The following GRID1 variants were observed in gnomAD, a reference collection of about 807,000 sequenced individuals.
GRID1 encodes glutamate ionotropic receptor delta type subunit 1, also known as glutamate receptor ionotropic, delta-1.
GRID1 carries 28 observed loss-of-function variants against 98.0 expected under a neutral mutation model. The ratio of observed to expected loss-of-function variants is 0.29; its 90% confidence interval spans 0.21 to 0.39. GRID1 has a LOEUF of 0.39. Among genes scored for constraint, GRID1 ranks in the 10% least tolerant of loss-of-function variants. The probability of loss-of-function intolerance (pLI) is 1.00; values close to 1 mark genes in which losing one functional copy is unlikely to be tolerated. For missense variants in GRID1, 1,111 were observed against 1,340.5 expected (o/e 0.83, Z 2.67); for synonymous variants, 553 against 538.5 (o/e 1.03, Z -0.37).
intron 3 of GRID1, among the ~76,000 whole-genome samples, chr10:86,199,035 T>C (rs1291601740): frequency 1.3e-5 from 2 of 152,184 alleles, no homozygotes; most frequent in Non-Finnish European, 2.9e-5. Context: ...CCATGCTTAC[T>C]TTTTTATTTA....
intron 4 of GRID1, among the ~76,000 whole-genome samples, chr10:85,922,473 C>G (rs1210085753): frequency 6.6e-6 from 1 of 152,190 alleles, no homozygotes; most frequent in Admixed American, 6.5e-5. Context: ...GGCATCCCCC[C>G]AACACTGGGA....
chr10:86,203,430 G>A (rs1286986693), intron 3 of GRID1, among the ~76,000 whole-genome samples: 1 of 151,976 alleles, frequency 6.6e-6, no homozygotes, highest in African/African-American at 2.4e-5. Flanking sequence ...TCAAACAGCA[G>A]ATAGGCTGAG....
At position 85,930,138 on chromosome 10, in the gene GRID1, A is replaced by G. The variant is rs930892982; in HGVS notation, c.727-13899T>C. On this transcript the variant is annotated intron_variant, in intron 4 of 15. Transcript: ENST00000327946. ...TGACTTGTAGTTATTTATAACTACA[A>G]ATAACTTGCGGTTATTTATAACTAC... Among the ~76,000 whole-genome samples, 10 of 151,014 alleles carry G rather than the reference A, an allele frequency of 6.6e-5. 1 individual carries two copies. The highest frequency in any genetic ancestry group is 1.9e-4 in the East Asian group (1 of 5,176).
chr10:85,753,944 G>A (rs1842072015), intron 8 of GRID1, among the ~76,000 whole-genome samples: 1 of 152,142 alleles, frequency 6.6e-6, no homozygotes. Context: ...AGGCAATCAT[G>A]GCAAAGCCAT....
chr10:85,688,645 G>A (rs1394138597), intron 12 of GRID1, among the ~76,000 whole-genome samples: 1 of 152,244 alleles, frequency 6.6e-6, no homozygotes, highest in East Asian at 1.9e-4. Flanking sequence ...TCTCTAGATG[G>A]CAAACGATGT....
At chr10:85,826,868 G>A (rs1842824985) in intron 8 of GRID1, among the ~76,000 whole-genome samples, 1 of 152,120 alleles carries the variant, frequency 6.6e-6, no homozygotes, top group African/African-American at 2.4e-5. Context: ...TGCTGAGCTG[G>A]GGCTTGATCC....
At chr10:86,310,553 C>T (rs1847818771) in intron 2 of GRID1, among the ~76,000 whole-genome samples, 1 of 152,164 alleles carries the variant, frequency 6.6e-6, no homozygotes, top group South Asian at 2.1e-4. Flanking sequence ...CCAGCCAGTG[C>T]CCTTGCTGAG....
intron 4 of GRID1, among the ~76,000 whole-genome samples, chr10:85,980,201 AGGGTGGGATTC>A (rs1842527469): frequency 6.6e-6 from 1 of 152,172 alleles, no homozygotes; most frequent in Non-Finnish European, 1.5e-5. Flanking sequence ...GCTTCTCCCC[AGGGTGGGATTC>A]CCCCATGCCC....
chr10:86,013,220 G>A (rs1842941386), intron 4 of GRID1, among the ~76,000 whole-genome samples: 1 of 152,120 alleles, frequency 6.6e-6, no homozygotes, highest in African/African-American at 2.4e-5. Context: ...ATCAAGTGAG[G>A]GCTAATAAGG....
intron 4 of GRID1, among the ~76,000 whole-genome samples, chr10:85,980,936 T>C (rs1205632523): frequency 6.6e-6 from 1 of 152,190 alleles, no homozygotes; most frequent in East Asian, 1.9e-4. Flanking sequence ...TACATAAATG[T>C]CTAGATTGAT....
intron 2 of GRID1, among the ~76,000 whole-genome samples, chr10:86,271,681 G>T (rs1847187161): frequency 1.3e-5 from 2 of 152,076 alleles, no homozygotes; most frequent in South Asian, 4.1e-4. Context: ...GAAAAAATTA[G>T]CAAATTTAAA....
chr10:86,252,474 T>C (rs1247107091), intron 2 of GRID1, among the ~76,000 whole-genome samples: 1 of 152,248 alleles, frequency 6.6e-6, no homozygotes, highest in Admixed American at 6.5e-5. Context: ...TACGGGTCTG[T>C]GTGAATGGAT....
At chr10:86,155,731 G>C (rs1316485412) in intron 3 of GRID1, among the ~76,000 whole-genome samples, 2 of 152,210 alleles carry the variant, frequency 1.3e-5, no homozygotes, top group African/African-American at 4.8e-5. Flanking sequence ...CGAGGGGACA[G>C]GTTAATAGTC....
intron 4 of GRID1, among the ~76,000 whole-genome samples, chr10:85,985,611 T>G (rs7100188): frequency 0.69 from 104,973 of 152,008 alleles, 36,468 homozygotes; most frequent in South Asian, 0.78. Context: ...CAGGATGGCC[T>G]CTCAGTGCCT....
chr10:85,868,565 G>T (rs1333512563), intron 6 of GRID1, among the ~76,000 whole-genome samples: 2 of 152,170 alleles, frequency 1.3e-5, no homozygotes, highest in Non-Finnish European at 2.9e-5. Context: ...GGTGACCCAA[G>T]CCTCAGCACT....
intron 4 of GRID1, among the ~76,000 whole-genome samples, chr10:86,055,913 G>A (rs1363051996): frequency 2.6e-5 from 4 of 152,160 alleles, no homozygotes; most frequent in Admixed American, 1.3e-4. Context: ...AACAGTGCTA[G>A]TACCCTGATA....
At chr10:85,877,294 C>T (rs1052536630) in intron 5 of GRID1, among the ~76,000 whole-genome samples, 1 of 152,222 alleles carries the variant, frequency 6.6e-6, no homozygotes, top group African/African-American at 2.4e-5. Context: ...TGAGAACGGG[C>T]AGACTGCCTC....
intron 2 of GRID1, among the ~76,000 whole-genome samples, chr10:86,349,581 C>G (rs112475522): frequency 0.011 from 1,738 of 152,320 alleles, 34 homozygotes; most frequent in African/African-American, 0.039. Context: ...GCCATCAGCT[C>G]TCATCTTTTC....
chr10:86,165,280 G>T (rs1231004801), intron 3 of GRID1, among the ~76,000 whole-genome samples: 1 of 152,210 alleles, frequency 6.6e-6, no homozygotes, highest in Non-Finnish European at 1.5e-5. Context: ...CTGAGATGAG[G>T]CCAAGACAAA....
Sources: allele counts gnomAD v4.1 joint callset (sites outside exome capture counted in the v4.1 genomes callset), GRCh38; gene constraint gnomAD v4.1.1; transcripts MANE v1.5; gene names NCBI Gene and HGNC (gene_info 2026-07-23, HGNC 2026-07-21).